The following MYT1L variants were observed in gnomAD, a reference collection of about 807,000 sequenced individuals.
The protein encoded by MYT1L is myelin transcription factor 1-like protein.
In MYT1L, 12 loss-of-function variants were observed where a neutral mutation model predicts 126.7. The observed-to-expected ratio is 0.09, with a 90% CI of 0.06 to 0.15. The LOEUF (loss-of-function observed/expected upper bound fraction) is 0.15. MYT1L is among the 10% of genes least tolerant of loss of function. The pLI is 1.00. For synonymous variants in MYT1L, 541 were observed against 604.2 expected (o/e 0.90, Z 1.53); for missense variants, 979 against 1,585.2 (o/e 0.62, Z 6.49).
intron 2 of MYT1L, among the ~76,000 whole-genome samples, chr2:2,262,275 A>C (rs1196236786): frequency 6.6e-6 from 1 of 152,200 alleles, no homozygotes; most frequent in Non-Finnish European, 1.5e-5. Context: ...TAAAATATCC[A>C]ATTTTGCCAT....
At chr2:2,093,612 T>G (rs1279186973) in intron 3 of MYT1L, among the ~76,000 whole-genome samples, 1 of 152,186 alleles carries the variant, frequency 6.6e-6, no homozygotes, top group Non-Finnish European at 1.5e-5. Context: ...ATGAGTAGAT[T>G]GCAAAAATTT....
rs571858958 is a variant in MYT1L, at chr2:1,849,508, C to A, written c.2774+2133G>T. On this transcript the variant is annotated intron_variant, in intron 19 of 24. Coordinates refer to ENST00000647738, the MANE Select transcript of MYT1L (RefSeq NM_001303052.2). ...GCTGCCCTGGGTCTGTGGCAGTGGT[C>A]CCCCCAGGGGACACTCAGCAGTGAC... Among the ~76,000 whole-genome samples the A allele has an allele frequency of 1.5e-4, 23 of 152,312 alleles. No individual in the cohort carries two copies. The East Asian group carries it at 3.7e-3, about 24-fold the overall frequency.
chr2:2,214,185 A>C (rs1261324911), intron 2 of MYT1L, among the ~76,000 whole-genome samples: 1 of 152,072 alleles, frequency 6.6e-6, no homozygotes, highest in Non-Finnish European at 1.5e-5. Context: ...TCAGTGAGTC[A>C]TGGGACAACT....
At chr2:2,231,802 G>T (rs911419569) in intron 2 of MYT1L, among the ~76,000 whole-genome samples, 1 of 152,008 alleles carries the variant, frequency 6.6e-6, no homozygotes, top group African/African-American at 2.4e-5. Flanking sequence ...ACAACTTAAG[G>T]ACTCTAACAA....
chr2:2,251,597 A>G (rs894222739), intron 2 of MYT1L, among the ~76,000 whole-genome samples: 3 of 152,206 alleles, frequency 2.0e-5, no homozygotes, highest in African/African-American at 7.2e-5. Context: ...GGAAGTACAT[A>G]AGCCAGCAAA....
intron 3 of MYT1L, among the ~76,000 whole-genome samples, chr2:2,119,389 C>T (rs968934961): frequency 6.6e-6 from 1 of 152,140 alleles, no homozygotes; most frequent in African/African-American, 2.4e-5. Context: ...AATATCTCAT[C>T]TTATTTGGGA....
chr2:1,979,834 G>T lies in MYT1L; in HGVS notation c.1-57C>A. On this transcript the variant is annotated intron_variant, in intron 5 of 24. Coordinates refer to ENST00000647738, the MANE Select transcript of MYT1L (RefSeq NM_001303052.2). The surrounding 1 kb of genome is among the most constrained non-coding windows in gnomAD (Gnocchi z 4.0). Reference sequence around the variant, plus strand: ...TATCCTGCCTGTGCAGGCCAGCCCTGCAGGGGCGGCTCACTCTCCCTGGCA... The same window carrying T: ...TATCCTGCCTGTGCAGGCCAGCCCTTCAGGGGCGGCTCACTCTCCCTGGCA... 1 of 1,580,362 alleles carries T rather than the reference G, an allele frequency of 6.3e-7. No homozygotes were observed. The highest frequency in any genetic ancestry group is 8.7e-7 in the Non-Finnish European group (1 of 1,151,584).
chr2:2,197,013 T>G (rs2092828651), intron 2 of MYT1L, among the ~76,000 whole-genome samples: 1 of 152,074 alleles, frequency 6.6e-6, no homozygotes, highest in Non-Finnish European at 1.5e-5. Context: ...AAGAAATATA[T>G]TACAGTGCGA....
intron 4 of MYT1L, among the ~76,000 whole-genome samples, chr2:2,014,807 G>A (rs1178431853): frequency 6.6e-5 from 10 of 152,254 alleles, no homozygotes; most frequent in African/African-American, 2.4e-4. Context: ...GCAGGTTTCC[G>A]GGGAAGAAGA....
chr2:2,251,020 A>T (rs566407229), intron 2 of MYT1L, among the ~76,000 whole-genome samples: 19 of 152,194 alleles, frequency 1.2e-4, no homozygotes, highest in Non-Finnish European at 2.4e-4. Flanking sequence ...CTTAATGTTT[A>T]CCTGGAACTT....
At chr2:2,265,501 G>A (rs1344915057) in intron 2 of MYT1L, among the ~76,000 whole-genome samples, 1 of 152,128 alleles carries the variant, frequency 6.6e-6, no homozygotes. Context: ...AGTGGCATGT[G>A]AAAGAGAACA....
At chr2:1,919,063 T>C (rs1431588954) in intron 10 of MYT1L, among the ~76,000 whole-genome samples, 1 of 152,194 alleles carries the variant, frequency 6.6e-6, no homozygotes, top group Non-Finnish European at 1.5e-5. Flanking sequence ...CAAAAAAGTG[T>C]AAGGTGTATC....
chr2:1,966,464 C>G (rs2059365595), intron 8 of MYT1L, among the ~76,000 whole-genome samples: 1 of 152,084 alleles, frequency 6.6e-6, no homozygotes, highest in African/African-American at 2.4e-5. Flanking sequence ...TGGGTGTAAA[C>G]AGGTCTGATC....
At chr2:2,262,431 G>A (rs1339210813) in intron 2 of MYT1L, among the ~76,000 whole-genome samples, 15 of 151,574 alleles carry the variant, frequency 9.9e-5, no homozygotes, top group African/African-American at 3.4e-4. Flanking sequence ...GGTGGCTCAC[G>A]CCTGTAATCC....
rs192029452 is a variant in MYT1L at position 1,798,774 on chromosome 2, G to A, written c.3276+2922C>T. Among the ~76,000 whole-genome samples, 351 of 152,332 alleles carry A rather than the reference G, an allele frequency of 2.3e-3. 2 individuals carry two copies. The highest frequency in any genetic ancestry group is 6.4e-3 in the African/African-American group (266 of 41,584). ...GCATGAAGGCTGCTGCAGGAAGGCC[G>A]AGGCCATCAGGCAGGGCCGCTTTAT... On this transcript the variant is annotated intron_variant, in intron 23 of 24. Coordinates refer to ENST00000647738, the MANE Select transcript of MYT1L (RefSeq NM_001303052.2).
intron 3 of MYT1L, among the ~76,000 whole-genome samples, chr2:2,149,358 T>C (rs1026188231): frequency 6.6e-6 from 1 of 152,232 alleles, no homozygotes; most frequent in African/African-American, 2.4e-5. Flanking sequence ...CCAGCTAACA[T>C]GCACTGCATA....
intron 2 of MYT1L, among the ~76,000 whole-genome samples, chr2:2,230,741 C>T (rs1230938237): frequency 6.6e-6 from 1 of 152,200 alleles, no homozygotes; most frequent in African/African-American, 2.4e-5. Flanking sequence ...GGGCTGCACA[C>T]CACGCTGAAA....
At chr2:2,049,326 T>C (rs1367559156) in intron 4 of MYT1L, among the ~76,000 whole-genome samples, 3 of 152,228 alleles carry the variant, frequency 2.0e-5, no homozygotes, top group Non-Finnish European at 4.4e-5. Context: ...ACACAAGTGA[T>C]ATATATTATA....
At chr2:1,890,359 C>T (rs992857318) in intron 15 of MYT1L, among the ~76,000 whole-genome samples, 1 of 152,148 alleles carries the variant, frequency 6.6e-6, no homozygotes, top group Non-Finnish European at 1.5e-5. Flanking sequence ...AGGTGTGAGC[C>T]ACTGCGCCTG....
Sources: gnomAD v4.1 joint callset for allele counts (sites outside exome capture counted in the v4.1 genomes callset) on GRCh38, gnomAD v4.1.1 for gene constraint, Gnocchi (gnomAD v3.1) non-coding constraint, MANE v1.5 for transcripts, NCBI Gene and HGNC (gene_info 2026-07-23, HGNC 2026-07-21) for gene names.